Variants in DKK1 observed in about 807,000 individuals in gnomAD.
DKK1 encodes dickkopf Wnt signaling pathway inhibitor 1.
A neutral mutation model predicts 26.0 loss-of-function variants in DKK1; 18 were observed. The observed-to-expected ratio is 0.69, with a 90% CI of 0.48 to 1.03. The LOEUF (loss-of-function observed/expected upper bound fraction) is 1.03, where lower values mean the gene tolerates loss of function less well. Ranked by LOEUF, DKK1 falls within the 50% of genes least tolerant of loss-of-function variation. The probability of loss-of-function intolerance (pLI) is 0.00; values close to 1 mark genes in which losing one functional copy is unlikely to be tolerated. For synonymous variants in DKK1, 130 were observed against 132.6 expected, an observed-to-expected ratio of 0.98 and a Z score of 0.13; for missense variants, 335 against 348.5, an observed-to-expected ratio of 0.96 and a Z score of 0.31.
Position 52,316,447 on chromosome 10 carries a change from AAGAC to A in DKK1, c.547+13_547+16del. 6.2e-7 allele frequency: 1 copy of A among 1,613,780 alleles called. No individual in the cohort carries two copies. The highest frequency in any genetic ancestry group is 1.1e-5 in the South Asian group (1 of 90,954). ...GTATCACACCAAAGGTAAGGATGTT[AAGAC>A]TCATTCTTAGCACATCAGAAGTGTC... On this transcript the variant is annotated intron_variant, in intron 3 of 3. Coordinates refer to ENST00000373970, the MANE Select transcript of DKK1 (RefSeq NM_012242.4).
chr10:52,315,052 G>T lies in DKK1; in HGVS notation c.373G>T (p.Ala125Ser), dbSNP rs770445280. Residue 125 changes from alanine (A) to serine (S), a missense_variant, in exon 2 of 4, where the codon GCT becomes TCT. Coordinates refer to ENST00000373970, the MANE Select transcript of DKK1 (RefSeq NM_012242.4). ...GCGCCGAAAACGCTGCATGCGTCAC[G>T]CTATGTGCTGCCCCGGGAATTACTG... ...RKRRKRCMRHAMCCPGNYCKN... is the reference protein window; with the variant it reads ...RKRRKRCMRHSMCCPGNYCKN... 5 of 1,594,162 alleles carry T rather than the reference G, an allele frequency of 3.1e-6. No homozygotes were observed. Among genetic ancestry groups the T allele is most frequent in the South Asian group, 1.1e-5 (1 of 88,922 alleles).
chr10:52,315,448 A>G (rs908591119), intron 2 of DKK1: 2 of 197,774 alleles, frequency 1.0e-5, no homozygotes, highest in African/African-American at 4.6e-5. Context: ...GATCATACAG[A>G]TATCAAAGAA....
chr10:52,315,314 T>A (rs529324016), intron 2 of DKK1: 9 of 404,896 alleles, frequency 2.2e-5, no homozygotes, highest in Non-Finnish European at 3.5e-5. Context: ...GAGGTCCTTA[T>A]CTTCCTCCGT....
In DKK1 at chr10:52,314,932, T is replaced by G; in HGVS notation, c.253T>G (p.Cys85Gly). 1 of 1,540,422 alleles carries G rather than the reference T, an allele frequency of 6.5e-7. No individual in the cohort carries two copies. Among genetic ancestry groups the G allele is most frequent in the East Asian group, 2.3e-5 (1 of 42,996 alleles). ...CGAACCCTTCCCACAGCCGTACCCGTGCGCAGAGGACGAGGAGTGCGGCAC... is the reference window on the plus strand; with the variant it reads ...CGAACCCTTCCCACAGCCGTACCCGGGCGCAGAGGACGAGGAGTGCGGCAC... ...QTIDNYQPYP[C>G]AEDEECGTDE... Residue 85 changes from cysteine to glycine, a missense_variant, in exon 2 of 4, where the codon TGC (cysteine) becomes GGC (glycine). Transcript: ENST00000373970. The surrounding 1 kb of genome is among the most constrained non-coding windows in gnomAD (Gnocchi z 5.7).
chr10:52,314,367 C>T lies in DKK1; in HGVS notation c.-68C>T, dbSNP rs1842593978. ...CTCTGCAGCCGAACCGGCACGGTTTCGTGGGGACCCAGGCTTGCAAAGTGA... is the reference window on the plus strand; with the variant it reads ...CTCTGCAGCCGAACCGGCACGGTTTTGTGGGGACCCAGGCTTGCAAAGTGA... On this transcript the variant is annotated 5_prime_UTR_variant, in exon 1 of 4. Transcript: ENST00000373970. This position sits in a 1 kb window ranked among gnomAD's most constrained non-coding sequence, Gnocchi z 5.7. 4 of 1,592,978 alleles carry T rather than the reference C, an allele frequency of 2.5e-6. No homozygotes were observed. The highest frequency in any genetic ancestry group is 3.4e-6 in the Non-Finnish European group (4 of 1,169,598).
Position 52,314,843 on chromosome 10 carries a change from C to T in DKK1, c.244-80C>T. On this transcript the variant is annotated intron_variant, in intron 1 of 3. Transcript: ENST00000373970. The surrounding 1 kb of genome is among the most constrained non-coding windows in gnomAD (Gnocchi z 5.7). ...TTTTGGAGAGGTGGACAGATAAGGA[C>T]TGTGATCAGCGCCCGGGTCCAAGAG... 5.5e-6 allele frequency: 8 copies of T among 1,462,496 alleles called. No individual in the cohort carries two copies. The highest frequency in any genetic ancestry group is 7.3e-6 in the Non-Finnish European group (8 of 1,102,578). 90.6% of individuals were successfully genotyped at this position (1,462,496 alleles called of 1,614,324 possible).
chr10:52,316,229 C>T, intron 2 of DKK1, 66 bp from the exon 3 acceptor site: 2 of 1,569,222 alleles, frequency 1.3e-6, no homozygotes, highest in Non-Finnish European at 8.7e-7. Flanking sequence ...CAGACTGCCA[C>T]TGTCACAGCT....
At chr10:52,316,239 T>G (rs555607198) in intron 2 of DKK1, 56 bp from the exon 3 acceptor site, 346 of 1,594,446 alleles carry the variant, frequency 2.2e-4, no homozygotes, top group Non-Finnish European at 2.8e-4. Flanking sequence ...CTGTCACAGC[T>G]GTTAGCAGTA....
rs190025068 is a variant in DKK1, at chr10:52,316,080, C to G, written c.407-215C>G. Among the ~76,000 whole-genome samples the G allele has an allele frequency of 3.8e-3, 575 of 152,316 alleles. 3 individuals carry two copies. The highest frequency in any genetic ancestry group is 0.013 in the African/African-American group (560 of 41,556). On this transcript the variant is annotated intron_variant, in intron 2 of 3. Transcript: ENST00000373970. ...TAAATGGCTATACTGGGGATATTAC[C>G]TATGACTGACTGTATACAGTATACA... is the stretch of plus-strand genomic sequence containing the variant.
At position 52,316,384 on chromosome 10, in the gene DKK1, G is replaced by A. The variant is rs1200707959; in HGVS notation, c.496G>A (p.Asp166Asn). 6.2e-7 allele frequency: 1 copy of A among 1,614,022 alleles called. No individual in the cohort carries two copies. The highest frequency in any genetic ancestry group is 2.2e-5 in the East Asian group (1 of 44,884). ...ESFGNDHSTL[D>N]GYSRRTTLSS... ...CTTTGGTAATGATCATAGCACCTTGGATGGGTATTCCAGAAGAACCACCTT... is the reference window on the plus strand; with the variant it reads ...CTTTGGTAATGATCATAGCACCTTGAATGGGTATTCCAGAAGAACCACCTT... The change falls in exon 3 of 4, where the codon GAT (aspartate) becomes AAT (asparagine). Residue 166 changes from aspartate (D) to asparagine (N), a missense_variant. By Grantham distance (23) the Asp-to-Asn change is conservative (BLOSUM62 1). Coordinates refer to ENST00000373970, the MANE Select transcript of DKK1 (RefSeq NM_012242.4).
chr10:52,316,143 A>G, intron 2 of DKK1, 152 bp from the exon 3 acceptor site: 1 of 901,010 alleles, frequency 1.1e-6, no homozygotes, highest in East Asian at 2.6e-5. Context: ...TTTTGCATTA[A>G]CAGTAAAGAG....
At chr10:52,316,177 G>C in intron 2 of DKK1, 118 bp from the exon 3 acceptor site, 1 of 1,269,928 alleles carries the variant, frequency 7.9e-7, no homozygotes, top group Non-Finnish European at 1.1e-6. Context: ...TGTTTAAAAT[G>C]ATGTCACTGC....
In DKK1 at chr10:52,315,046, C is replaced by T. The variant is rs138015066; in HGVS notation, c.367C>T (p.Arg123Cys). The change falls in exon 2 of 4, where the codon CGT becomes TGT. Residue 123 changes from arginine (R) to cysteine (C), a missense_variant. Transcript: ENST00000373970. Reference sequence around the variant, plus strand: ...CAGGAAGCGCCGAAAACGCTGCATGCGTCACGCTATGTGCTGCCCCGGGAA... The same window carrying T: ...CAGGAAGCGCCGAAAACGCTGCATGTGTCACGCTATGTGCTGCCCCGGGAA... ...ACRKRRKRCM[R>C]HAMCCPGNYC... The T allele has an allele frequency of 1.9e-6, 3 of 1,599,680 alleles. No homozygotes were observed. The highest frequency in any genetic ancestry group is 2.6e-6 in the Non-Finnish European group (3 of 1,170,998).
At chr10:52,315,245 C>T in intron 2 of DKK1, 160 bp downstream of exon 2, 2 of 622,184 alleles carry the variant, frequency 3.2e-6, no homozygotes, top group Non-Finnish European at 4.8e-6. Flanking sequence ...CAGGATTCCG[C>T]TGAAGTATCT....
Position 52,314,695 on chromosome 10 carries a change from C to G in DKK1, c.243+18C>G, listed in dbSNP as rs770167868. ...ACTACCAGGTGAGAGGGGTCGGGCA[C>G]TCAGAGGATGCTCTGACCTTGAAAG... is the stretch of plus-strand genomic sequence containing the variant. On this transcript the variant is annotated intron_variant, in intron 1 of 3. Transcript: ENST00000373970. This position sits in a 1 kb window ranked among gnomAD's most constrained non-coding sequence, Gnocchi z 5.7. 3.7e-6 allele frequency: 6 copies of G among 1,610,190 alleles called. No homozygotes were observed. Among genetic ancestry groups the G allele is most frequent in the Non-Finnish European group, 4.2e-6 (5 of 1,178,042 alleles).
Position 52,316,446 on chromosome 10 carries a change from T to G in DKK1, c.547+11T>G. 6.2e-7 allele frequency: 1 copy of G among 1,613,778 alleles called. No individual in the cohort carries two copies. Among genetic ancestry groups the G allele is most frequent in the Non-Finnish European group, 8.5e-7 (1 of 1,179,916 alleles). On this transcript the variant is annotated intron_variant, in intron 3 of 3. Coordinates refer to ENST00000373970, the MANE Select transcript of DKK1 (RefSeq NM_012242.4). ...TGTATCACACCAAAGGTAAGGATGT[T>G]AAGACTCATTCTTAGCACATCAGAA...
In DKK1 at chr10:52,314,621, G is replaced by A. The variant is rs761830028; in HGVS notation, c.187G>A (p.Ala63Thr). 2.5e-6 allele frequency: 4 copies of A among 1,613,248 alleles called. No individual in the cohort carries two copies. The highest frequency in any genetic ancestry group is 2.2e-5 in the South Asian group (2 of 91,048). The change falls in exon 1 of 4, where the codon GCG becomes ACG. Residue 63 changes from alanine (A) to threonine (T), a missense_variant. Physicochemically the swap from Ala to Thr is moderately conservative, Grantham distance 58. Transcript: ENST00000373970. The surrounding 1 kb of genome is among the most constrained non-coding windows in gnomAD (Gnocchi z 5.7). The part of the protein sequence containing the change: ...AGHPGSAVSA[A>T]PGILYPGGNK... ...GCACCCAGGCTCTGCAGTCAGCGCCGCGCCGGGAATCCTGTACCCGGGCGG... is the reference window on the plus strand; with the variant it reads ...GCACCCAGGCTCTGCAGTCAGCGCCACGCCGGGAATCCTGTACCCGGGCGG...
intron 2 of DKK1, among the ~76,000 whole-genome samples, chr10:52,315,732 A>T (rs1290571315): frequency 6.6e-6 from 1 of 152,192 alleles, no homozygotes; most frequent in Non-Finnish European, 1.5e-5. Flanking sequence ...GTGGATTTAG[A>T]CAGCTAAAGA....
At chr10:52,316,078 A>G (rs1015586868) in intron 2 of DKK1, among the ~76,000 whole-genome samples, 3 of 152,218 alleles carry the variant, frequency 2.0e-5, no homozygotes, top group Admixed American at 6.5e-5. Context: ...TGGGGATATT[A>G]CCTATGACTG....
Sources: allele counts gnomAD v4.1 joint callset (sites outside exome capture counted in the v4.1 genomes callset), GRCh38; gene constraint gnomAD v4.1.1; non-coding constraint Gnocchi (gnomAD v3.1); transcripts MANE v1.5; gene names NCBI Gene and HGNC (gene_info 2026-07-23, HGNC 2026-07-21).